SERPINA3: variants seen among roughly 807,000 people sequenced by gnomAD.
The protein encoded by SERPINA3 is alpha-1-antichymotrypsin.
A neutral mutation model predicts 26.8 loss-of-function variants in SERPINA3; 32 were observed. The observed-to-expected ratio is 1.20, with a 90% CI of 0.90 to 1.61. The LOEUF (loss-of-function observed/expected upper bound fraction) is 1.61, where lower values mean the gene tolerates loss of function less well. Ranked by LOEUF, SERPINA3 falls within the 40% of genes most tolerant of loss-of-function variation. The pLI is 0.00. For synonymous variants in SERPINA3, 252 were observed against 206.4 expected (o/e 1.22, Z -1.89); for missense variants, 632 against 517.9 (o/e 1.22, Z -2.14).
intron 4 of SERPINA3, 78 bp downstream of exon 4, chr14:94,622,569 C>A (rs1886245000): frequency 1.3e-6 from 2 of 1,522,270 alleles, no homozygotes; most frequent in Admixed American, 3.6e-5. Context: ...CTTTTGGGTA[C>A]TCTTGAACTT....
rs1293534037 is a variant in SERPINA3, at chr14:94,615,104, G to A, written c.643+20G>A. 1 of 1,612,528 alleles carries A rather than the reference G, an allele frequency of 6.2e-7. No homozygotes were observed. The highest frequency in any genetic ancestry group is 8.5e-7 in the Non-Finnish European group (1 of 1,179,924). On this transcript the variant is annotated intron_variant, in intron 2 of 4. Coordinates refer to ENST00000393078, the MANE Select transcript of SERPINA3 (RefSeq NM_001085.5). ...TTAAAGGTGAGTGTGCCTGGCTTGG[G>A]GTTCAGAAGAGGTGGATCTCAGGGC...
chr14:94,613,498 C>T (rs1885863310), intron 1 of SERPINA3: 1 of 152,224 alleles, frequency 6.6e-6, no homozygotes, highest in South Asian at 2.1e-4. Flanking sequence ...GTGGTGACTG[C>T]TCGGTACGTC....
rs751191093 is a variant in SERPINA3 at position 94,622,529 on chromosome 14, C to T, written c.1068+38C>T. ...ACTTGGGTCAATTCATCCTTTGTATCCGAACTTGAATTGGTGAAGGCCAGA... is the reference window on the plus strand; with the variant it reads ...ACTTGGGTCAATTCATCCTTTGTATTCGAACTTGAATTGGTGAAGGCCAGA... On this transcript the variant is annotated intron_variant, in intron 4 of 4. Transcript: ENST00000393078. 6.8e-6 allele frequency: 11 copies of T among 1,611,162 alleles called. No homozygotes were observed. The East Asian group carries it at 2.2e-4, about 33-fold the overall frequency.
intron 4 of SERPINA3, 82 bp from the exon 5 acceptor site, chr14:94,623,529 G>T: frequency 7.8e-7 from 1 of 1,280,686 alleles, no homozygotes; most frequent in Non-Finnish European, 1.1e-6. Context: ...ATGCACATTA[G>T]ACCCCTTAGT....
intron 2 of SERPINA3, among the ~76,000 whole-genome samples, chr14:94,616,962 G>A (rs1886028085): frequency 1.3e-5 from 2 of 152,110 alleles, no homozygotes; most frequent in Admixed American, 1.3e-4. Context: ...TAGAGCTTGG[G>A]TGGTGATTTC....
At chr14:94,622,215 ATTAT>A (rs1886225184) in intron 3 of SERPINA3, 122 bp from the exon 4 acceptor site, 1 of 852,390 alleles carries the variant, frequency 1.2e-6, no homozygotes, top group East Asian at 2.5e-5. Flanking sequence ...TGAGGAACAG[ATTAT>A]TTATTTTCCA....
intron 2 of SERPINA3, chr14:94,617,493 G>A (rs2139958192): frequency 6.6e-6 from 1 of 152,218 alleles, no homozygotes; most frequent in African/African-American, 2.4e-5. Context: ...AAGGAAAGAA[G>A]CTCCCATTTA....
intron 2 of SERPINA3, among the ~76,000 whole-genome samples, chr14:94,616,297 C>G (rs1202119333): frequency 2.6e-5 from 4 of 152,322 alleles, no homozygotes; most frequent in South Asian, 2.1e-4. Flanking sequence ...CTCCCACCCC[C>G]CTCATTGTTC....
At position 94,615,036 on chromosome 14, in the gene SERPINA3, C is replaced by A; in HGVS notation, c.595C>A (p.Leu199Ile). ...GAAAATCACAGATCTGATCAAGGAC[C>A]TTGACTCGCAGACAATGATGGTCCT... ...RGKITDLIKD[L>I]DSQTMMVLVN... The change falls in exon 2 of 5, where the codon CTT becomes ATT. Residue 199 changes from leucine (L) to isoleucine (I), a missense_variant. Physicochemically the swap from Leu to Ile is conservative, Grantham distance 5. Coordinates refer to ENST00000393078, the MANE Select transcript of SERPINA3 (RefSeq NM_001085.5). The A allele has an allele frequency of 6.2e-7, 1 of 1,614,184 alleles. No individual in the cohort carries two copies. Among genetic ancestry groups the A allele is most frequent in the Non-Finnish European group, 8.5e-7 (1 of 1,180,036 alleles).
rs144237088 is a variant in SERPINA3, at chr14:94,619,371, G to A, written c.820G>A (p.Ala274Thr). The change falls in exon 3 of 5, where the codon GCA becomes ACA. Residue 274 changes from alanine (A) to threonine (T), a missense_variant. By Grantham distance (58) the Ala-to-Thr change is moderately conservative. Transcript: ENST00000393078. ...VELKYTGNASALFILPDQDKM... is the reference protein window; with the variant it reads ...VELKYTGNASTLFILPDQDKM... ...GCTGAAGTACACAGGCAATGCCAGC[G>A]CACTCTTCATCCTCCCTGATCAAGA... The A allele has an allele frequency of 9.9e-5, 159 of 1,614,012 alleles. No homozygotes were observed. The highest frequency in any genetic ancestry group is 2.8e-4 in the African/African-American group (21 of 74,908).
At chr14:94,615,927 C>T (rs1184542694) in intron 2 of SERPINA3, among the ~76,000 whole-genome samples, 1 of 152,174 alleles carries the variant, frequency 6.6e-6, no homozygotes, top group Admixed American at 6.5e-5. Flanking sequence ...GATCACTGAG[C>T]CAGAGGGTGG....
At chr14:94,613,301 C>A (rs1191758696) in intron 1 of SERPINA3, 1 of 152,024 alleles carries the variant, frequency 6.6e-6, no homozygotes, top group African/African-American at 2.4e-5. Flanking sequence ...CTTCCCCACT[C>A]TTCTCCCCAG....
At position 94,622,276 on chromosome 14, in the gene SERPINA3, G is replaced by A. The variant is rs115838021; in HGVS notation, c.918-65G>A. The A allele has an allele frequency of 3.5e-3, 5,166 of 1,493,968 alleles. 143 individuals are homozygous for A. In the African/African-American group the frequency reaches 0.061, roughly 18 times the overall value. The allele number at this position is 1,493,968 out of a possible 1,614,324, so 92.5% of individuals were successfully genotyped here. On this transcript the variant is annotated intron_variant, in intron 3 of 4. Coordinates refer to ENST00000393078, the MANE Select transcript of SERPINA3 (RefSeq NM_001085.5). ...AGGAAACCAGGGAAGACCATGCTGCGAGGTGGGAGGCAGGTAGGTACTGAT... is the reference window on the plus strand; with the variant it reads ...AGGAAACCAGGGAAGACCATGCTGCAAGGTGGGAGGCAGGTAGGTACTGAT...
At chr14:94,618,684 T>C (rs952214337) in intron 2 of SERPINA3, 3 of 209,508 alleles carry the variant, frequency 1.4e-5, no homozygotes, top group East Asian at 1.1e-4. Flanking sequence ...TTCACACTGA[T>C]TGGCATCTCT....
Position 94,623,964 on chromosome 14 carries a change from C to T in SERPINA3, c.*150C>T. ...TATCCTTGGAAGGTGACAGCGATTC[C>T]CTGTGTAGCTCTCACATGCACAGGG... On this transcript the variant is annotated 3_prime_UTR_variant, in exon 5 of 5. Coordinates refer to ENST00000393078, the MANE Select transcript of SERPINA3 (RefSeq NM_001085.5). 2 of 740,864 alleles carry T rather than the reference C, an allele frequency of 2.7e-6. No homozygotes were observed. Among genetic ancestry groups the T allele is most frequent in the Non-Finnish European group, 4.8e-6 (2 of 417,946 alleles). 45.9% of individuals were successfully genotyped at this position (740,864 alleles called of 1,614,324 possible).
chr14:94,623,672 C>A lies in SERPINA3; in HGVS notation c.1130C>A (p.Ala377Glu). The part of the protein sequence containing the change: ...EEGTEASAAT[A>E]VKITLLSALV... ...GGCACAGAAGCATCTGCTGCCACAGCAGTCAAAATCACCCTCCTTTCTGCA... is the reference window on the plus strand; with the variant it reads ...GGCACAGAAGCATCTGCTGCCACAGAAGTCAAAATCACCCTCCTTTCTGCA... The change falls in exon 5 of 5, where the codon GCA (alanine) becomes GAA (glutamate). Residue 377 changes from alanine to glutamate, a missense_variant. Transcript: ENST00000393078. 6.2e-7 allele frequency: 1 copy of A among 1,614,186 alleles called. No individual in the cohort carries two copies. Among genetic ancestry groups the A allele is most frequent in the East Asian group, 2.2e-5 (1 of 44,880 alleles).
chr14:94,613,486 AGGTGGTGACTGCTC>A (rs1221946771), intron 1 of SERPINA3: 4 of 152,072 alleles, frequency 2.6e-5, no homozygotes, highest in Admixed American at 2.0e-4. Context: ...GTAGTATGGG[AGGTGGTGACTGCTC>A]GGTACGTCTA....
At chr14:94,612,956 A>C (rs1885839895) in intron 1 of SERPINA3, among the ~76,000 whole-genome samples, 1 of 152,208 alleles carries the variant, frequency 6.6e-6, no homozygotes, top group Admixed American at 6.5e-5. Flanking sequence ...GTCCAGCAAC[A>C]GAAAAGACAA....
intron 3 of SERPINA3, 33 bp from the exon 4 acceptor site, chr14:94,622,308 A>G (rs1435903814): frequency 6.2e-7 from 1 of 1,613,088 alleles, no homozygotes; most frequent in Admixed American, 1.7e-5. Context: ...TGATCAGCAG[A>G]GGTTCAGATA....
Sources: gnomAD v4.1 joint callset for allele counts (sites outside exome capture counted in the v4.1 genomes callset) on GRCh38, gnomAD v4.1.1 for gene constraint, MANE v1.5 for transcripts, NCBI Gene and HGNC (gene_info 2026-07-23, HGNC 2026-07-21) for gene names.